Variants in SLC27A1 observed in about 807,000 individuals in gnomAD.
The protein encoded by SLC27A1 is long-chain fatty acid transport protein 1.
SLC27A1 carries 61 observed loss-of-function variants against 62.2 expected under a neutral mutation model. That is an observed-to-expected ratio of 0.98 (90% CI 0.80 to 1.21). The LOEUF (loss-of-function observed/expected upper bound fraction) is 1.21, where lower values mean the gene tolerates loss of function less well. Ranked by LOEUF, SLC27A1 falls within the 50% of genes most tolerant of loss-of-function variation. The pLI, the probability that SLC27A1 is intolerant of heterozygous loss-of-function variation, is 0.00. For synonymous variants in SLC27A1, 435 were observed against 408.6 expected, an observed-to-expected ratio of 1.06 and a Z score of -0.78; for missense variants, 903 against 932.1, an observed-to-expected ratio of 0.97 and a Z score of 0.41.
chr19:17,500,249 T>C, intron 7 of SLC27A1, 29 bp from the exon 8 acceptor site: 1 of 1,608,392 alleles, frequency 6.2e-7, no homozygotes, highest in Non-Finnish European at 8.5e-7. Context: ...TATCCCCGGC[T>C]CCTTCCAACT....
chr19:17,496,768 C>T (rs1437712039), intron 6 of SLC27A1: 2 of 155,118 alleles, frequency 1.3e-5, no homozygotes, highest in Admixed American at 6.6e-5. Context: ...AAGTTGCATC[C>T]GGCCAGGCAC....
At chr19:17,484,495 G>A (rs1436086735) in intron 1 of SLC27A1, among the ~76,000 whole-genome samples, 3 of 152,130 alleles carry the variant, frequency 2.0e-5, no homozygotes, top group African/African-American at 7.2e-5. Context: ...GGGAGGCTGA[G>A]GTGGGAGGAT....
upstream of SLC27A1, chr19:17,470,310 A>G (rs986721716): frequency 2.0e-6 from 1 of 489,318 alleles, no homozygotes; most frequent in African/African-American, 2.1e-5. Flanking sequence ...GTTCCTAGTT[A>G]GCGGGCGGGT....
At chr19:17,487,418 C>T (rs2075247578) in intron 3 of SLC27A1, 42 bp from the exon 4 acceptor site, 1 of 1,555,112 alleles carries the variant, frequency 6.4e-7, no homozygotes, top group Non-Finnish European at 8.7e-7. Context: ...GCCCCACCCC[C>T]CAATGCTCAG....
At chr19:17,470,412 TCG>T (rs1429177958), upstream of SLC27A1, 1 of 1,150,088 alleles carries the variant, frequency 8.7e-7, no homozygotes, top group African/African-American at 1.7e-5. Flanking sequence ...GTTCCCGGAC[TCG>T]CGGGGGGCGC....
At chr19:17,501,866 C>T (rs1347557594) in intron 11 of SLC27A1, among the ~76,000 whole-genome samples, 2 of 148,328 alleles carry the variant, frequency 1.3e-5, no homozygotes, top group African/African-American at 2.5e-5. Context: ...AATCTCCGCA[C>T]TTTGGGAGGC....
chr19:17,485,435 G>A (rs537173094), intron 1 of SLC27A1, among the ~76,000 whole-genome samples: 2 of 151,580 alleles, frequency 1.3e-5, no homozygotes, highest in Non-Finnish European at 2.9e-5. Context: ...TGATCCACCC[G>A]CCTCGGCCTC....
intron 7 of SLC27A1, chr19:17,497,776 G>C (rs2075366585): frequency 7.7e-6 from 3 of 390,806 alleles, no homozygotes; most frequent in African/African-American, 2.1e-5. Flanking sequence ...GTGGAGATTA[G>C]CAAGGAGAAT....
chr19:17,500,419 C>T lies in SLC27A1; in HGVS notation c.1333+15C>T, dbSNP rs373389418. 26 of 1,613,236 alleles carry T rather than the reference C, an allele frequency of 1.6e-5. No homozygotes were observed. Among genetic ancestry groups the T allele is most frequent in the South Asian group, 7.7e-5 (7 of 91,044 alleles). On this transcript the variant is annotated intron_variant, in intron 8 of 11. Transcript: ENST00000252595. ...CTGCCAGGCCGGTGAGCAGGGCCCC[C>T]GCATGGTCCCCACCCGGAGCAGGGG... is the stretch of plus-strand genomic sequence containing the variant.
intron 7 of SLC27A1, chr19:17,497,804 G>A: frequency 3.2e-6 from 1 of 314,492 alleles, no homozygotes; most frequent in Non-Finnish European, 5.9e-6. Flanking sequence ...TGTGTACCGT[G>A]CTGTTATTTT....
chr19:17,504,435 G>T lies in SLC27A1; in HGVS notation c.1784-20G>T. ...GAAGCCACCTGCTCAGCCCTTATCT[G>T]CCCCCCATCCCCACTATAGGCACCT... On this transcript the variant is annotated intron_variant, in intron 11 of 11. Transcript: ENST00000252595. The T allele has an allele frequency of 6.2e-7, 1 of 1,613,802 alleles. No individual in the cohort carries two copies. The highest frequency in any genetic ancestry group is 8.5e-7 in the Non-Finnish European group (1 of 1,179,940).
At chr19:17,472,536 T>C (rs920976011) in intron 1 of SLC27A1, among the ~76,000 whole-genome samples, 5 of 152,132 alleles carry the variant, frequency 3.3e-5, no homozygotes, top group Non-Finnish European at 5.9e-5. Context: ...CTCATTTGTT[T>C]GTTTGTTTGA....
At chr19:17,480,655 G>A (rs2075168432) in intron 1 of SLC27A1, among the ~76,000 whole-genome samples, 3 of 144,684 alleles carry the variant, frequency 2.1e-5, no homozygotes, top group Non-Finnish European at 4.5e-5. Flanking sequence ...TAGCATTATA[G>A]GCGTGAGCCA....
intron 6 of SLC27A1, 153 bp from the exon 7 acceptor site, chr19:17,497,102 G>T: frequency 6.9e-6 from 4 of 579,574 alleles, no homozygotes; most frequent in Non-Finnish European, 1.2e-5. Flanking sequence ...GGTCCCTAAT[G>T]GAGTGTGGAC....
In SLC27A1 at chr19:17,500,825, A is replaced by G. The variant is rs1347169657; in HGVS notation, c.1585A>G (p.Ser529Gly). ...VSTTEVEGVL[S>G]RLLGQTDVAV... ...CACCACCGAGGTGGAGGGCGTGCTG[A>G]GCCGCCTGCTGGGCCAGACAGACGT... The change falls in exon 10 of 12, where the codon AGC (serine) becomes GGC (glycine). Residue 529 changes from serine to glycine, a missense_variant. Coordinates refer to ENST00000252595, the MANE Select transcript of SLC27A1 (RefSeq NM_198580.3). 3 of 1,610,802 alleles carry G rather than the reference A, an allele frequency of 1.9e-6. No homozygotes were observed. The highest frequency in any genetic ancestry group is 3.4e-5 in the Admixed American group (2 of 58,738).
Position 17,501,468 on chromosome 19 carries a change from T to G in SLC27A1, c.1783+49T>G, listed in dbSNP as rs765769495. On this transcript the variant is annotated intron_variant, in intron 11 of 11. Transcript: ENST00000252595. ...CTCTCTCTTCATCCATCAGTGTGTC[T>G]GTTGATTCATGTCTTGGTCCATTTT... 3 of 1,582,774 alleles carry G rather than the reference T, an allele frequency of 1.9e-6. No individual in the cohort carries two copies. The African/African-American group carries it at 4.0e-5, about 21-fold the overall frequency.
intron 1 of SLC27A1, among the ~76,000 whole-genome samples, chr19:17,480,541 CTTTTT>C (rs3079223): frequency 6.3e-5 from 7 of 111,776 alleles, no homozygotes; most frequent in Non-Finnish European, 1.0e-4. Flanking sequence ...TAATTTTTTT[CTTTTT>C]TTTTTTTTTT....
chr19:17,503,409 G>A (rs552324935), intron 11 of SLC27A1: 1 of 152,202 alleles, frequency 6.6e-6, no homozygotes, highest in Non-Finnish European at 1.5e-5. Context: ...AGCAGCCATA[G>A]ACAATGTGCA....
chr19:17,504,401 G>A (rs2075452379), intron 11 of SLC27A1, 54 bp from the exon 12 acceptor site: 2 of 1,606,130 alleles, frequency 1.2e-6, no homozygotes, highest in East Asian at 2.2e-5. Flanking sequence ...ATTGAGTTGA[G>A]GCCTCCCAGA....
Sources: allele counts gnomAD v4.1 joint callset (sites outside exome capture counted in the v4.1 genomes callset), GRCh38; gene constraint gnomAD v4.1.1; transcripts MANE v1.5; gene names NCBI Gene and HGNC (gene_info 2026-07-23, HGNC 2026-07-21).